APC: variants seen among roughly 807,000 people sequenced by gnomAD.
The protein encoded by APC is adenomatous polyposis coli protein.
In APC, 72 loss-of-function variants were observed where a neutral mutation model predicts 247.0. The observed-to-expected ratio is 0.29, with a 90% confidence interval of 0.24 to 0.35. APC has a LOEUF of 0.35. APC is among the 10% of genes least tolerant of loss of function. The pLI, the probability that APC is intolerant of heterozygous loss-of-function variation, is 1.00. For missense variants in APC, 3,400 were observed against 3,360.7 expected (o/e 1.01, Z -0.29); for synonymous variants, 1,254 against 1,162.5 (o/e 1.08, Z -1.60).
At chr5:112,742,266 T>C (rs1360557689) in intron 1 of APC, among the ~76,000 whole-genome samples, 1 of 152,234 alleles carries the variant, frequency 6.6e-6, no homozygotes, top group Non-Finnish European at 1.5e-5. Flanking sequence ...TACCTATCAC[T>C]GTTCCTCCAG....
intron 15 of APC, among the ~76,000 whole-genome samples, chr5:112,836,188 G>A (rs1474801653): frequency 5.5e-5 from 2 of 36,584 alleles, no homozygotes; most frequent in Admixed American, 4.6e-4. Context: ...CCGCCACCGT[G>A]CCCGGCTAAT....
rs1751846692 is a variant in APC, at chr5:112,727,371, A to G, written c.165+19489A>G. ...AGGCAATGCCATCTGCAGTTATTAAATATGATATTTTAAAAGCTTATATTT... is the reference window on the plus strand; with the variant it reads ...AGGCAATGCCATCTGCAGTTATTAAGTATGATATTTTAAAAGCTTATATTT... On this transcript the variant is annotated intron_variant, in intron 1 of 13. Coordinates refer to the APC transcript ENST00000507379. 2.0e-5 allele frequency among the ~76,000 whole-genome samples: 3 copies of G among 152,210 alleles called. No homozygotes were observed. In the South Asian group the frequency reaches 6.2e-4, roughly 31 times the overall value.
chr5:112,767,493 CACTT>C (rs1426293705), intron 4 of APC, 103 bp downstream of exon 4: 6 of 900,548 alleles, frequency 6.7e-6, no homozygotes, highest in South Asian at 1.7e-5. Context: ...TGATAGCTAA[CACTT>C]AGAGCATTTT....
intron 8 of APC, among the ~76,000 whole-genome samples, chr5:112,809,088 A>C (rs920585357): frequency 1.3e-5 from 2 of 152,156 alleles, no homozygotes; most frequent in African/African-American, 4.8e-5. Flanking sequence ...GCAGTAGCTC[A>C]TGCCTGTAAT....
chr5:112,835,523 A>C (rs1299319007), intron 15 of APC, among the ~76,000 whole-genome samples: 2 of 151,956 alleles, frequency 1.3e-5, no homozygotes, highest in African/African-American at 4.8e-5. Context: ...GATCCAGAGA[A>C]TATAAAGGTT....
At chr5:112,742,379 A>G (rs558372090) in intron 1 of APC, among the ~76,000 whole-genome samples, 1 of 152,292 alleles carries the variant, frequency 6.6e-6, no homozygotes, top group South Asian at 2.1e-4. Flanking sequence ...GTATTTCTGT[A>G]TAACAAATTG....
intron 4 of APC, among the ~76,000 whole-genome samples, chr5:112,770,815 C>G (rs901746319): frequency 2.6e-5 from 4 of 152,030 alleles, no homozygotes; most frequent in Non-Finnish European, 5.9e-5. Context: ...GTTTTTAATT[C>G]TGTACCAATT....
At position 112,843,716 on chromosome 5, in the gene APC, A is replaced by G. The variant is rs1580690269; in HGVS notation, c.8122A>G (p.Asn2708Asp). 4.3e-6 allele frequency: 7 copies of G among 1,614,084 alleles called. No individual in the cohort carries two copies. Among genetic ancestry groups the G allele is most frequent in the Non-Finnish European group, 5.9e-6 (7 of 1,179,942 alleles). ...KDNQAKQNVGNGSVPMRTVGL... is the reference protein window; with the variant it reads ...KDNQAKQNVGDGSVPMRTVGL... Reference sequence around the variant, plus strand: ...TAATCAGGCAAAACAAAATGTGGGTAATGGCAGTGTTCCCATGCGTACCGT... The same window carrying G: ...TAATCAGGCAAAACAAAATGTGGGTGATGGCAGTGTTCCCATGCGTACCGT... Residue 2708 changes from asparagine to aspartate, a missense_variant, in exon 16 of 16, where the codon AAT (asparagine) becomes GAT (aspartate). Asn to Asp is a conservative substitution (Grantham distance 23, BLOSUM62 1). Around this residue, in one of 9 missense-constraint regions of APC, gnomAD observed 1,788 missense variants for 1,649.5 expected, o/e 1.08. Transcript: ENST00000257430. The surrounding 1 kb of genome is among the most constrained non-coding windows in gnomAD (Gnocchi z 4.8).
Position 112,818,958 on chromosome 5 carries a change from G to T in APC, c.934-8G>T, listed in dbSNP as rs2149778516. 1 of 1,613,194 alleles carries T rather than the reference G, an allele frequency of 6.2e-7. No individual in the cohort carries two copies. The highest frequency in any genetic ancestry group is 8.5e-7 in the Non-Finnish European group (1 of 1,179,766). On this transcript the variant is annotated splice_region_variant and splice_polypyrimidine_tract_variant and intron_variant, in intron 9 of 15. Transcript: ENST00000257430. Reference sequence around the variant, plus strand: ...GTAATTTTGTTTCTAAACTCATTTGGCCCACAGGTGGAAATGGTGTATTCA... The same window carrying T: ...GTAATTTTGTTTCTAAACTCATTTGTCCCACAGGTGGAAATGGTGTATTCA...
chr5:112,770,854 A>G (rs1270499147), intron 4 of APC, among the ~76,000 whole-genome samples: 1 of 152,190 alleles, frequency 6.6e-6, no homozygotes, highest in Non-Finnish European at 1.5e-5. Flanking sequence ...ACATATACAC[A>G]TAAGCAAATA....
At chr5:112,754,441 A>G (rs934275150) in intron 1 of APC, among the ~76,000 whole-genome samples, 2 of 152,196 alleles carry the variant, frequency 1.3e-5, no homozygotes, top group East Asian at 3.8e-4. Flanking sequence ...TCATTAATCC[A>G]TTCTGGCTCT....
chr5:112,768,254 G>A (rs1186929156), intron 4 of APC, among the ~76,000 whole-genome samples: 1 of 151,304 alleles, frequency 6.6e-6, no homozygotes, highest in Non-Finnish European at 1.5e-5. Context: ...TGTTGGTCAG[G>A]CTAGTCTCAA....
intron 14 of APC, among the ~76,000 whole-genome samples, chr5:112,834,076 C>T (rs555944375): frequency 6.6e-6 from 1 of 151,848 alleles, no homozygotes; most frequent in East Asian, 1.9e-4. Context: ...GCAGCTGTGA[C>T]TGCAGGCGCG....
At chr5:112,741,510 C>A (rs1310013812) in intron 1 of APC, among the ~76,000 whole-genome samples, 1 of 152,200 alleles carries the variant, frequency 6.6e-6, no homozygotes, top group Non-Finnish European at 1.5e-5. Flanking sequence ...TCACACCCTG[C>A]ACCCACTCTT....
At chr5:112,813,332 C>T (rs1013552384) in intron 8 of APC, among the ~76,000 whole-genome samples, 4 of 152,066 alleles carry the variant, frequency 2.6e-5, no homozygotes, top group Non-Finnish European at 4.4e-5. Flanking sequence ...TCAGGAAAAC[C>T]TCACCTTGGC....
chr5:112,746,332 G>T (rs1753676682), intron 1 of APC, among the ~76,000 whole-genome samples: 1 of 152,108 alleles, frequency 6.6e-6, no homozygotes. Flanking sequence ...AATTCTAGCT[G>T]ACTTTCAAAG....
chr5:112,757,961 T>G (rs116100306), intron 2 of APC, among the ~76,000 whole-genome samples: 2,493 of 152,320 alleles, frequency 0.016, 30 homozygotes, highest in Non-Finnish European at 0.026. Context: ...AATATACATA[T>G]TGAAATATTT....
At chr5:112,821,373 G>C (rs1763111730) in intron 10 of APC, among the ~76,000 whole-genome samples, 1 of 152,008 alleles carries the variant, frequency 6.6e-6, no homozygotes, top group African/African-American at 2.4e-5. Context: ...TAGGGATTGT[G>C]GGGTATGCCT....
intron 6 of APC, among the ~76,000 whole-genome samples, chr5:112,792,172 G>A (rs550638872): frequency 8.5e-4 from 129 of 152,180 alleles, no homozygotes; most frequent in African/African-American, 3.0e-3. Flanking sequence ...CTTGAACCCG[G>A]AAGGCGGAGG....
Sources: gnomAD v4.1 joint callset for allele counts (sites outside exome capture counted in the v4.1 genomes callset) on GRCh38, gnomAD v4.1.1 for gene constraint, gnomAD v4.1.1 regional missense constraint, Gnocchi (gnomAD v3.1) non-coding constraint, MANE v1.5 for transcripts, NCBI Gene and HGNC (gene_info 2026-07-23, HGNC 2026-07-21) for gene names.